ADAMTS2: variants seen among roughly 807,000 people sequenced by gnomAD.
The protein encoded by ADAMTS2 is A disintegrin and metalloproteinase with thrombospondin motifs 2.
In ADAMTS2, 50 loss-of-function variants were observed where a neutral mutation model predicts 123.0. The ratio of observed to expected loss-of-function variants is 0.41; its 90% CI spans 0.32 to 0.51. The LOEUF is 0.51. ADAMTS2 is among the 20% of genes least tolerant of loss of function. The pLI is 0.35. For missense variants in ADAMTS2, 1,494 were observed against 1,705.2 expected (o/e 0.88, Z 2.18); for synonymous variants, 678 against 695.4 (o/e 0.98, Z 0.39).
At chr5:179,265,148 G>A (rs781062419) in intron 3 of ADAMTS2, among the ~76,000 whole-genome samples, 5 of 152,210 alleles carry the variant, frequency 3.3e-5, no homozygotes, top group Admixed American at 6.5e-5. Context: ...ACCACTGGCC[G>A]GTCTTCCAGA....
At chr5:179,343,227 C>T (rs576917551) in intron 2 of ADAMTS2, among the ~76,000 whole-genome samples, 33 of 152,338 alleles carry the variant, frequency 2.2e-4, no homozygotes, top group African/African-American at 7.7e-4. Flanking sequence ...GGAAGACTGA[C>T]TGCCAGCCCA....
At position 179,268,774 on chromosome 5, in the gene ADAMTS2, C is replaced by A. The variant is rs1157333773; in HGVS notation, c.688+4137G>T. On this transcript the variant is annotated intron_variant, in intron 3 of 21. Transcript: ENST00000251582. The stretch of plus-strand genomic sequence containing the variant: ...TGGGCTGTGCCTCTGGGCTATATGC[C>A]CTGGGGAGGCCTAAGTGAAGCCTAC... 7.9e-5 allele frequency among the ~76,000 whole-genome samples: 12 copies of A among 152,294 alleles called. No individual in the cohort carries two copies. The East Asian group carries it at 2.3e-3, about 29-fold the overall frequency.
intron 4 of ADAMTS2, among the ~76,000 whole-genome samples, chr5:179,186,333 C>G (rs937266021): frequency 6.6e-6 from 1 of 152,202 alleles, no homozygotes; most frequent in Non-Finnish European, 1.5e-5. Context: ...CGGGGCCGGG[C>G]TCCTTCTGCT....
At chr5:179,177,376 C>A (rs4701077) in intron 5 of ADAMTS2, among the ~76,000 whole-genome samples, 1 of 152,018 alleles carries the variant, frequency 6.6e-6, no homozygotes, top group Non-Finnish European at 1.5e-5. Flanking sequence ...TTTGTCCTGA[C>A]GGGCTACCTT....
intron 3 of ADAMTS2, among the ~76,000 whole-genome samples, chr5:179,246,161 T>C (rs1192849551): frequency 2.0e-5 from 3 of 152,220 alleles, no homozygotes; most frequent in African/African-American, 7.2e-5. Flanking sequence ...GCCATGAAGA[T>C]GGCAGACCAC....
In ADAMTS2 at chr5:179,303,572, T is replaced by C. The variant is rs1230054272; in HGVS notation, c.535-30508A>G. Among the ~76,000 whole-genome samples, 1 of 152,222 alleles carries C rather than the reference T, an allele frequency of 6.6e-6. No homozygotes were observed. The highest frequency in any genetic ancestry group is 1.9e-4 in the East Asian group (1 of 5,198). ...CAGACAGAGCTCGAGACAAGCCCTG[T>C]TGTTGTAGCTCAAGGATAGAAAAAG... On this transcript the variant is annotated intron_variant, in intron 2 of 21. Transcript: ENST00000251582. This position sits in a 1 kb window ranked among gnomAD's most constrained non-coding sequence, Gnocchi z 4.7.
intron 11 of ADAMTS2, among the ~76,000 whole-genome samples, chr5:179,138,416 C>A (rs1763102867): frequency 6.6e-6 from 1 of 152,206 alleles, no homozygotes; most frequent in South Asian, 2.1e-4. Flanking sequence ...CCCAGAGTCC[C>A]GGTGCTGCAG....
chr5:179,207,017 G>A (rs989399016), intron 4 of ADAMTS2, among the ~76,000 whole-genome samples: 15 of 152,122 alleles, frequency 9.9e-5, no homozygotes, highest in Admixed American at 1.3e-4. Context: ...TCTAATGCAC[G>A]TGAATCTCTA....
chr5:179,269,531 G>A (rs1766471019), intron 3 of ADAMTS2, among the ~76,000 whole-genome samples: 1 of 152,134 alleles, frequency 6.6e-6, no homozygotes, highest in Non-Finnish European at 1.5e-5. Context: ...TCACCATCAT[G>A]AGAACAGCAT....
At chr5:179,184,569 C>T (rs1053090392) in intron 4 of ADAMTS2, among the ~76,000 whole-genome samples, 1 of 151,770 alleles carries the variant, frequency 6.6e-6, no homozygotes, top group African/African-American at 2.4e-5. Context: ...ACGTTTGAGC[C>T]TAAGCGTGTA....
intron 5 of ADAMTS2, among the ~76,000 whole-genome samples, chr5:179,171,417 G>A (rs1763812059): frequency 6.6e-6 from 1 of 152,194 alleles, no homozygotes; most frequent in South Asian, 2.1e-4. Flanking sequence ...GCCCCTAGCA[G>A]TGCCACCTCC....
intron 2 of ADAMTS2, among the ~76,000 whole-genome samples, chr5:179,274,834 G>A (rs575670059): frequency 6.6e-6 from 1 of 152,354 alleles, no homozygotes; most frequent in East Asian, 1.9e-4. Context: ...GGAGGTGCAG[G>A]GCCTGGAGGA....
At position 179,207,672 on chromosome 5, in the gene ADAMTS2, G is replaced by A. The variant is rs143069972; in HGVS notation, c.732C>T (p.Gly244=). The part of the protein sequence containing the change: ...DSLDSLSRAL[G]VLEEHANSSR... Reference sequence around the variant, plus strand: ...AGCTGTTGGCGTGCTCCTCTAGGACGCCCAGGGCGCGGCTGAGGCTGTCCA... The same window carrying A: ...AGCTGTTGGCGTGCTCCTCTAGGACACCCAGGGCGCGGCTGAGGCTGTCCA... Residue 244 remains glycine, a synonymous_variant, in exon 4 of 22, where the codon GGC becomes GGT. Coordinates refer to ENST00000251582, the MANE Select transcript of ADAMTS2 (RefSeq NM_014244.5). The A allele has an allele frequency of 1.0e-4, 162 of 1,613,302 alleles. 1 individual carries two copies. In the African/African-American group the frequency reaches 1.7e-3, roughly 17 times the overall value.
At position 179,135,266 on chromosome 5, in the gene ADAMTS2, C is replaced by T. The variant is rs1304974912; in HGVS notation, c.2085+643G>A. ...CGGCTGTTTCTCAGGAAGGTCAAGC[C>T]AGAGTCAGCCTCCACGACTCCTGCC... On this transcript the variant is annotated intron_variant, in intron 13 of 21. Coordinates refer to ENST00000251582, the MANE Select transcript of ADAMTS2 (RefSeq NM_014244.5). Among the ~76,000 whole-genome samples, 8 of 152,316 alleles carry T rather than the reference C, an allele frequency of 5.3e-5. No homozygotes were observed. In the East Asian group the frequency reaches 1.4e-3, roughly 26 times the overall value.
At chr5:179,143,400 T>C (rs984230625) in intron 10 of ADAMTS2, among the ~76,000 whole-genome samples, 4 of 143,550 alleles carry the variant, frequency 2.8e-5, no homozygotes, top group Non-Finnish European at 4.5e-5. Context: ...GCCACTGCGC[T>C]CCAGGCTGGG....
chr5:179,132,156 CCCTGGCA>C lies in ADAMTS2; in HGVS notation c.2290+67_2290+73del. The C allele has an allele frequency of 6.8e-7, 1 of 1,477,818 alleles. No individual in the cohort carries two copies. The highest frequency in any genetic ancestry group is 9.4e-7 in the Non-Finnish European group (1 of 1,062,906). 91.5% of individuals were successfully genotyped at this position (1,477,818 alleles called of 1,614,324 possible). A position where few individuals can be genotyped will look rare whatever the true frequency, so the allele number is the denominator to read the frequency against. The stretch of plus-strand genomic sequence containing the variant: ...ACAACCCGGGCCCCTGACCCCTGAC[CCCTGGCA>C]CTCTGCCCATTGATCCCAGAGGAGC... On this transcript the variant is annotated intron_variant, in intron 15 of 21. Transcript: ENST00000251582. This position sits in a 1 kb window ranked among gnomAD's most constrained non-coding sequence, Gnocchi z 6.1.
At position 179,135,298 on chromosome 5, in the gene ADAMTS2, C is replaced by T. The variant is rs1379615215; in HGVS notation, c.2085+611G>A. Among the ~76,000 whole-genome samples the T allele has an allele frequency of 2.6e-5, 4 of 152,224 alleles. No homozygotes were observed. In the South Asian group the frequency reaches 8.3e-4, roughly 32 times the overall value. On this transcript the variant is annotated intron_variant, in intron 13 of 21. Coordinates refer to ENST00000251582, the MANE Select transcript of ADAMTS2 (RefSeq NM_014244.5). ...AGCCTCCACGACTCCTGCCATCAGT[C>T]CTGTCTACACAAGCCCTAAGCAGAG... is the stretch of plus-strand genomic sequence containing the variant.
intron 2 of ADAMTS2, among the ~76,000 whole-genome samples, chr5:179,333,892 C>A (rs1254429131): frequency 6.6e-6 from 1 of 152,136 alleles, no homozygotes; most frequent in Non-Finnish European, 1.5e-5. Flanking sequence ...CTGTGCCCCG[C>A]CTACAGATTT....
At position 179,111,860 on chromosome 5, in the gene ADAMTS2, G is replaced by A. The variant is rs13187674; in HGVS notation, c.*2007C>T. On this transcript the variant is annotated 3_prime_UTR_variant, in exon 22 of 22. Coordinates refer to ENST00000251582, the MANE Select transcript of ADAMTS2 (RefSeq NM_014244.5). ...GCTCCGTTTCCTAATTACAGAGGCAGGATTGCACACATGCTCTAAACCACA... is the reference window on the plus strand; with the variant it reads ...GCTCCGTTTCCTAATTACAGAGGCAAGATTGCACACATGCTCTAAACCACA... 2 of 152,280 alleles carry A rather than the reference G, an allele frequency of 1.3e-5. No homozygotes were observed. The highest frequency in any genetic ancestry group is 3.8e-4 in the East Asian group (2 of 5,200). 9.4% of individuals were successfully genotyped at this position (152,280 alleles called of 1,614,324 possible).
Sources: gnomAD v4.1 joint callset for allele counts (sites outside exome capture counted in the v4.1 genomes callset) on GRCh38, gnomAD v4.1.1 for gene constraint, Gnocchi (gnomAD v3.1) non-coding constraint, MANE v1.5 for transcripts, NCBI Gene and HGNC (gene_info 2026-07-23, HGNC 2026-07-21) for gene names.